SPTB: variants seen among roughly 807,000 people sequenced by gnomAD.
SPTB encodes the protein spectrin beta chain, erythrocytic.
A neutral mutation model predicts 256.2 loss-of-function variants in SPTB; 45 were observed. The observed-to-expected ratio is 0.18, with a 90% CI of 0.14 to 0.23. SPTB has a LOEUF of 0.23. Ranked by LOEUF, SPTB falls within the 10% of genes least tolerant of loss-of-function variation. SPTB has a pLI of 1.00. For missense variants in SPTB, 2,715 were observed against 3,040.4 expected, an observed-to-expected ratio of 0.89 and a Z score of 2.52; for synonymous variants, 1,231 against 1,243.1, an observed-to-expected ratio of 0.99 and a Z score of 0.21.
chr14:64,763,946 G>A (rs1016455766), intron 32 of SPTB: 1 of 508,772 alleles, frequency 2.0e-6, no homozygotes, highest in Admixed American at 1.9e-5. Context: ...ACCCTGTGGT[G>A]TGCAGCTGTC....
At chr14:64,865,199 T>G (rs1882093812) in intron 1 of SPTB, among the ~76,000 whole-genome samples, 1 of 152,060 alleles carries the variant, frequency 6.6e-6, no homozygotes, top group Non-Finnish European at 1.5e-5. Flanking sequence ...AAGTATAGAC[T>G]GTAATGATCA....
rs1258712211 is a variant in SPTB, at chr14:64,873,492, G to A, written c.-52+6300C>T. Among the ~76,000 whole-genome samples, 5 of 152,214 alleles carry A rather than the reference G, an allele frequency of 3.3e-5. No individual in the cohort carries two copies. Among genetic ancestry groups the A allele is most frequent in the African/African-American group, 1.2e-4 (5 of 41,534 alleles). ...TGAAAAACCCAAAACATCAATTAAC[G>A]GGCAGATGAACCCTTCATTTATCTA... On this transcript the variant is annotated intron_variant, in intron 1 of 35. Coordinates refer to ENST00000644917, the MANE Select transcript of SPTB (RefSeq NM_001355436.2). This position sits in a 1 kb window ranked among gnomAD's most constrained non-coding sequence, Gnocchi z 4.3.
intron 1 of SPTB, among the ~76,000 whole-genome samples, chr14:64,863,806 A>C (rs1028439956): frequency 6.6e-6 from 1 of 152,240 alleles, no homozygotes; most frequent in African/African-American, 2.4e-5. Flanking sequence ...TTTTGGGTCA[A>C]GTAGATCTGG....
chr14:64,871,145 T>C (rs1882508063), intron 1 of SPTB, among the ~76,000 whole-genome samples: 1 of 152,204 alleles, frequency 6.6e-6, no homozygotes, highest in Non-Finnish European at 1.5e-5. Flanking sequence ...GAATTTGTGA[T>C]TATGTTCAAA....
Position 64,853,119 on chromosome 14 carries a change from T to A in SPTB, c.-52+26673A>T, listed in dbSNP as rs963679096. Among the ~76,000 whole-genome samples, 3 of 152,038 alleles carry A rather than the reference T, an allele frequency of 2.0e-5. No homozygotes were observed. Among genetic ancestry groups the A allele is most frequent in the Non-Finnish European group, 4.4e-5 (3 of 68,018 alleles). ...ACAGGCAAAGAATGGGGAAAGAGCATGTGCAAAGCCAACAGTAAAAGTCCT... is the reference window on the plus strand; with the variant it reads ...ACAGGCAAAGAATGGGGAAAGAGCAAGTGCAAAGCCAACAGTAAAAGTCCT... On this transcript the variant is annotated intron_variant, in intron 1 of 35. Coordinates refer to ENST00000644917, the MANE Select transcript of SPTB (RefSeq NM_001355436.2). The surrounding 1 kb of genome is among the most constrained non-coding windows in gnomAD (Gnocchi z 4.3).
intron 27 of SPTB, among the ~76,000 whole-genome samples, chr14:64,770,219 C>G (rs2082257329): frequency 6.6e-6 from 1 of 152,146 alleles, no homozygotes; most frequent in Non-Finnish European, 1.5e-5. Flanking sequence ...TGATGAAAAT[C>G]TTCTAACCTT....
chr14:64,833,138 C>T (rs1342117639), intron 1 of SPTB, among the ~76,000 whole-genome samples: 1 of 152,190 alleles, frequency 6.6e-6, no homozygotes, highest in African/African-American at 2.4e-5. Context: ...TTCAGGTCCC[C>T]GGCTCTCTCT....
chr14:64,767,558 TCA>T, intron 30 of SPTB, 103 bp downstream of exon 30: 1 of 1,495,348 alleles, frequency 6.7e-7, no homozygotes. Flanking sequence ...GCCAAGCCTG[TCA>T]CACCATTCTA....
intron 1 of SPTB, among the ~76,000 whole-genome samples, chr14:64,861,139 A>C (rs2083961450): frequency 6.6e-6 from 1 of 152,166 alleles, no homozygotes; most frequent in Non-Finnish European, 1.5e-5. Context: ...CATAAGTAGG[A>C]ATTGAACATT....
chr14:64,862,832 AAAAC>A (rs147652237), intron 1 of SPTB, among the ~76,000 whole-genome samples: 14,742 of 151,258 alleles, frequency 0.097, 897 homozygotes, highest in Non-Finnish European at 0.14. Context: ...ACTCTGTCAC[AAAAC>A]AAACAAAAAG....
In SPTB at chr14:64,785,994, G is replaced by A. The variant is rs1870790878; in HGVS notation, c.3562-43C>T. ...CAGACAAGGCATGAAGACACACGGA[G>A]GAGGTGATGAGCACACCTCCCAAGT... On this transcript the variant is annotated intron_variant, in intron 16 of 35. Transcript: ENST00000644917. The surrounding 1 kb of genome is among the most constrained non-coding windows in gnomAD (Gnocchi z 4.4). The A allele has an allele frequency of 6.2e-7, 1 of 1,603,516 alleles. No homozygotes were observed. Among genetic ancestry groups the A allele is most frequent in the Non-Finnish European group, 8.5e-7 (1 of 1,172,730 alleles).
At chr14:64,840,728 T>C (rs542696601) in intron 1 of SPTB, among the ~76,000 whole-genome samples, 2 of 152,286 alleles carry the variant, frequency 1.3e-5, no homozygotes, top group South Asian at 2.1e-4. Flanking sequence ...ACTGAGCTCC[T>C]TACTTCTGGA....
chr14:64,846,368 T>C (rs1015262170), intron 1 of SPTB, among the ~76,000 whole-genome samples: 5 of 152,208 alleles, frequency 3.3e-5, no homozygotes, highest in Non-Finnish European at 7.3e-5. Context: ...ACAAGGCTAA[T>C]AGGGCCTCAT....
At chr14:64,843,438 G>A (rs1018110371) in intron 1 of SPTB, among the ~76,000 whole-genome samples, 37 of 151,646 alleles carry the variant, frequency 2.4e-4, no homozygotes, top group African/African-American at 9.0e-4. Flanking sequence ...ACTTCACTGG[G>A]GAAAAAAAAA....
At chr14:64,878,340 G>A (rs1404302035) in intron 1 of SPTB, among the ~76,000 whole-genome samples, 1 of 152,120 alleles carries the variant, frequency 6.6e-6, no homozygotes, top group African/African-American at 2.4e-5. Flanking sequence ...GCAAGCACAG[G>A]CCTAGCTGTG....
chr14:64,835,879 C>T (rs754733554), intron 1 of SPTB, among the ~76,000 whole-genome samples: 5 of 152,198 alleles, frequency 3.3e-5, no homozygotes, highest in Non-Finnish European at 5.9e-5. Context: ...AGTTGAAATC[C>T]TGTCCTACTT....
At chr14:64,828,434 T>C (rs761546924) in intron 1 of SPTB, among the ~76,000 whole-genome samples, 1 of 152,136 alleles carries the variant, frequency 6.6e-6, no homozygotes, top group East Asian at 1.9e-4. Context: ...CTATCAGCAC[T>C]TCACATCCTG....
chr14:64,777,185 A>G lies in SPTB; in HGVS notation c.4564-1782T>C, dbSNP rs2082374396. 6.6e-6 allele frequency among the ~76,000 whole-genome samples: 1 copy of G among 152,124 alleles called. No individual in the cohort carries two copies. Among genetic ancestry groups the G allele is most frequent in the Admixed American group, 6.5e-5 (1 of 15,272 alleles). ...TCTGGGGTTGAGTGTTCCTGGCAAGAGGACTGAACAAGTGCAAAGGCTCTG... is the reference window on the plus strand; with the variant it reads ...TCTGGGGTTGAGTGTTCCTGGCAAGGGGACTGAACAAGTGCAAAGGCTCTG... On this transcript the variant is annotated intron_variant, in intron 22 of 35. Transcript: ENST00000644917. This position sits in a 1 kb window ranked among gnomAD's most constrained non-coding sequence, Gnocchi z 4.5.
Position 64,841,356 on chromosome 14 carries a change from G to A in SPTB, c.-51-18211C>T, listed in dbSNP as rs558827886. Among the ~76,000 whole-genome samples, 3 of 152,276 alleles carry A rather than the reference G, an allele frequency of 2.0e-5. No homozygotes were observed. In the East Asian group the frequency reaches 5.8e-4, roughly 29 times the overall value. ...CCAGACCCAAGCCCTCTGCAGGAAG[G>A]AATGTGGAGATCAAAGGAGTGGGAA... On this transcript the variant is annotated intron_variant, in intron 1 of 35. Transcript: ENST00000644917. The surrounding 1 kb of genome is among the most constrained non-coding windows in gnomAD (Gnocchi z 4.6).
Sources: gnomAD v4.1 joint callset for allele counts (sites outside exome capture counted in the v4.1 genomes callset) on GRCh38, gnomAD v4.1.1 for gene constraint, Gnocchi (gnomAD v3.1) non-coding constraint, MANE v1.5 for transcripts, NCBI Gene and HGNC (gene_info 2026-07-23, HGNC 2026-07-21) for gene names.